Variants in DNAI3 observed in about 807,000 individuals in gnomAD.
DNAI3 encodes the protein dynein axonemal intermediate chain 3.
In DNAI3, 83 loss-of-function variants were observed where a neutral mutation model predicts 115.5. The observed-to-expected ratio is 0.72, with a 90% CI of 0.60 to 0.86. The LOEUF (loss-of-function observed/expected upper bound fraction) is 0.86. Ranked by LOEUF, DNAI3 falls within the 40% of genes least tolerant of loss-of-function variation. DNAI3 has a pLI of 0.00. For synonymous variants in DNAI3, 320 were observed against 347.0 expected (o/e 0.92, Z 0.86); for missense variants, 1,004 against 1,075.8 (o/e 0.93, Z 0.93).
In DNAI3 at chr1:85,081,257, GTATTAACCACCAAGACCCAAGAAA is replaced by G; in HGVS notation, c.132_155del (p.Leu44_Ile51del). 1 of 1,591,996 alleles carries G rather than the reference GTATTAACCACCAAGACCCAAGAAA, an allele frequency of 6.3e-7. No homozygotes were observed. The highest frequency in any genetic ancestry group is 8.5e-7 in the Non-Finnish European group (1 of 1,173,396). On this transcript the variant is annotated inframe_deletion, in exon 4 of 23. Coordinates refer to ENST00000294664, the MANE Select transcript of DNAI3 (RefSeq NM_145172.5). ...AGGTCATCCAGAAATTTATCCTTTA[GTATTAACCACCAAGACCCAAGAAA>G]TATTTAACTGCCGAATAGATGAAGA...
At chr1:85,099,248 A>T in intron 13 of DNAI3, 1 of 985,404 alleles carries the variant, frequency 1.0e-6, no homozygotes, top group Non-Finnish European at 1.2e-6. Flanking sequence ...CCTCAAGGGC[A>T]TTAAAGATCT....
In DNAI3 at chr1:85,085,977, T is replaced by A. The variant is rs201248649; in HGVS notation, c.687T>A (p.Asp229Glu). 2 of 1,614,164 alleles carry A rather than the reference T, an allele frequency of 1.2e-6. No homozygotes were observed. The highest frequency in any genetic ancestry group is 2.7e-5 in the African/African-American group (2 of 75,062). Residue 229 changes from aspartate to glutamate, a missense_variant, in exon 7 of 23, where the codon GAT becomes GAA. This residue lies in a region of DNAI3 where 550 missense variants were observed against 568.1 expected (regional missense o/e 0.97). Transcript: ENST00000294664. Reference protein sequence around the residue: ...KNFTLKQLEKDVGMQVIPQIK... With the variant: ...KNFTLKQLEKEVGMQVIPQIK... ...TTACCCTTAAACAACTTGAAAAAGA[T>A]GTTGGCATGCAAGTAATCCCCCAAA...
chr1:85,063,615 G>A (rs1283320232), intron 1 of DNAI3, among the ~76,000 whole-genome samples: 3 of 152,194 alleles, frequency 2.0e-5, no homozygotes, highest in Non-Finnish European at 2.9e-5. Flanking sequence ...GGAGGTCCAG[G>A]AAATTTGCAT....
rs767642633 is a variant in DNAI3 at position 85,093,584 on chromosome 1, T to C, written c.984T>C (p.Phe328=). 1 of 1,614,196 alleles carries C rather than the reference T, an allele frequency of 6.2e-7. No individual in the cohort carries two copies. The highest frequency in any genetic ancestry group is 8.5e-7 in the Non-Finnish European group (1 of 1,180,028). ...TDTHLKEYQS[F]TDLHSPTEKM... ...CCCACCTGAAAGAGTACCAGTCCTT[T>C]ACCGACCTTCATAGCCCAACGGAGA... The change falls in exon 9 of 23, where the codon TTT becomes TTC. Residue 328 remains phenylalanine (F), a synonymous_variant. Transcript: ENST00000294664.
intron 21 of DNAI3, among the ~76,000 whole-genome samples, chr1:85,129,678 C>T (rs1187766241): frequency 2.6e-5 from 4 of 152,192 alleles, no homozygotes; most frequent in Admixed American, 2.0e-4. Flanking sequence ...TCCAACCCTA[C>T]TTTGGAAACC....
At chr1:85,084,312 T>C (rs10747315) in intron 5 of DNAI3, among the ~76,000 whole-genome samples, 111,408 of 141,788 alleles carry the variant, frequency 0.79, 44,010 homozygotes, top group Non-Finnish European at 0.81. Context: ...ATATATATCT[T>C]TTCTTGTCTA....
intron 22 of DNAI3, 199 bp downstream of exon 22, chr1:85,130,311 A>C (rs1656275347): frequency 1.4e-6 from 1 of 713,194 alleles, no homozygotes; most frequent in Admixed American, 3.4e-5. Flanking sequence ...GTCCAATTTA[A>C]GTTTCTGAAA....
At chr1:85,117,583 C>A in intron 16 of DNAI3, 146 bp from the exon 17 acceptor site, 1 of 1,115,050 alleles carries the variant, frequency 9.0e-7, no homozygotes, top group Non-Finnish European at 1.3e-6. Flanking sequence ...AATTAGAAAT[C>A]TAAAAATGCT....
chr1:85,096,094 C>A, intron 11 of DNAI3, 74 bp downstream of exon 11: 2 of 1,375,188 alleles, frequency 1.5e-6, no homozygotes, highest in Non-Finnish European at 2.1e-6. Context: ...CTTGGCAGTT[C>A]CTTGGACTTA....
intron 5 of DNAI3, among the ~76,000 whole-genome samples, chr1:85,084,250 G>GTT (rs1553165780): frequency 7.1e-5 from 6 of 85,038 alleles, no homozygotes; most frequent in Non-Finnish European, 1.3e-4. Context: ...TCAGCAGTGT[G>GTT]TATATATATA....
In DNAI3 at chr1:85,095,985, C is replaced by A. The variant is rs1236288914; in HGVS notation, c.1228C>A (p.Pro410Thr). 6.2e-7 allele frequency: 1 copy of A among 1,613,744 alleles called. No individual in the cohort carries two copies. The highest frequency in any genetic ancestry group is 1.3e-5 in the African/African-American group (1 of 74,892). Residue 410 changes from proline (P) to threonine (T), a missense_variant, in exon 11 of 23, where the codon CCT becomes ACT. Coordinates refer to ENST00000294664, the MANE Select transcript of DNAI3 (RefSeq NM_145172.5). ...IFCFKFCPSD[P>T]NIIAGGCING... ...CTGCTTCAAGTTCTGTCCGAGTGATCCTAATATCATTGCTGGAGGCTGTAT... is the reference window on the plus strand; with the variant it reads ...CTGCTTCAAGTTCTGTCCGAGTGATACTAATATCATTGCTGGAGGCTGTAT...
intron 13 of DNAI3, among the ~76,000 whole-genome samples, chr1:85,101,895 T>G (rs1291324391): frequency 2.6e-5 from 4 of 151,668 alleles, no homozygotes; most frequent in Admixed American, 2.6e-4. Context: ...ACATATAAAT[T>G]TCTAAATTAA....
intron 18 of DNAI3, among the ~76,000 whole-genome samples, chr1:85,123,260 C>T (rs1656040297): frequency 6.6e-6 from 1 of 152,182 alleles, no homozygotes; most frequent in African/African-American, 2.4e-5. Context: ...AATCCATTCT[C>T]CCCACAACAG....
chr1:85,062,669 G>A (rs1035521983), intron 1 of DNAI3, among the ~76,000 whole-genome samples, 183 bp downstream of exon 1: 1 of 152,134 alleles, frequency 6.6e-6, no homozygotes, highest in Non-Finnish European at 1.5e-5. Flanking sequence ...AACAAAAATA[G>A]CAACGAGAGA....
At chr1:85,072,564 C>T (rs1171086985) in intron 2 of DNAI3, among the ~76,000 whole-genome samples, 5 of 151,470 alleles carry the variant, frequency 3.3e-5, no homozygotes, top group African/African-American at 9.7e-5. Context: ...ATCACTTGAA[C>T]CCGGGAGGCA....
intron 13 of DNAI3, among the ~76,000 whole-genome samples, chr1:85,101,650 C>G (rs923744622): frequency 1.3e-4 from 17 of 135,994 alleles, no homozygotes; most frequent in Admixed American, 1.1e-3. Context: ...ATGGTGTGAA[C>G]CGGAGAGGCG....
chr1:85,093,001 C>A (rs902625917), intron 8 of DNAI3, among the ~76,000 whole-genome samples: 1 of 152,144 alleles, frequency 6.6e-6, no homozygotes, highest in Non-Finnish European at 1.5e-5. Context: ...CAAATGACAT[C>A]AAGTTAGAGG....
intron 1 of DNAI3, among the ~76,000 whole-genome samples, chr1:85,068,229 C>T (rs1654157295): frequency 6.6e-6 from 1 of 151,984 alleles, no homozygotes; most frequent in Non-Finnish European, 1.5e-5. Flanking sequence ...GTCTAGTTTG[C>T]AGTCTAACTT....
At chr1:85,068,037 G>C (rs1240869115) in intron 1 of DNAI3, among the ~76,000 whole-genome samples, 7 of 152,106 alleles carry the variant, frequency 4.6e-5, no homozygotes. Context: ...GTATTCCACA[G>C]ACCATTAGGT....
Sources: gnomAD v4.1 joint callset for allele counts (sites outside exome capture counted in the v4.1 genomes callset) on GRCh38, gnomAD v4.1.1 for gene constraint, gnomAD v4.1.1 regional missense constraint, MANE v1.5 for transcripts, NCBI Gene and HGNC (gene_info 2026-07-23, HGNC 2026-07-21) for gene names.